Variants in DLG2 observed in about 807,000 individuals in gnomAD.
DLG2 encodes disks large homolog 2.
In DLG2, 45 loss-of-function variants were observed where a neutral mutation model predicts 132.5. That is an observed-to-expected ratio of 0.34 (90% CI 0.27 to 0.44). The LOEUF (loss-of-function observed/expected upper bound fraction) is 0.44, where lower values mean the gene tolerates loss of function less well. DLG2 is among the 20% of genes least tolerant of loss of function. The pLI is 1.00. For synonymous variants in DLG2, 424 were observed against 419.6 expected, an observed-to-expected ratio of 1.01 and a Z score of -0.13; for missense variants, 1,045 against 1,196.9, an observed-to-expected ratio of 0.87 and a Z score of 1.87.
chr11:84,904,325 A>G (rs1427313973), intron 6 of DLG2, among the ~76,000 whole-genome samples: 2 of 152,170 alleles, frequency 1.3e-5, no homozygotes, highest in Non-Finnish European at 2.9e-5. Flanking sequence ...TTGCAATTAT[A>G]TCCCTTTGTT....
At chr11:84,386,621 T>C (rs942910872) in intron 7 of DLG2, among the ~76,000 whole-genome samples, 2 of 152,170 alleles carry the variant, frequency 1.3e-5, no homozygotes, top group Admixed American at 6.6e-5. Flanking sequence ...AATCAATAAA[T>C]GGCCATCATA....
chr11:84,633,701 C>CA (rs2099635985), intron 6 of DLG2, among the ~76,000 whole-genome samples: 1 of 151,854 alleles, frequency 6.6e-6, no homozygotes, highest in Non-Finnish European at 1.5e-5. Flanking sequence ...GGTAGTTGCT[C>CA]AATACACTGT....
intron 6 of DLG2, among the ~76,000 whole-genome samples, chr11:84,803,198 A>T (rs1240852956): frequency 6.6e-6 from 1 of 152,234 alleles, no homozygotes; most frequent in Non-Finnish European, 1.5e-5. Flanking sequence ...GCAGTGTAGA[A>T]TATATTGTAG....
chr11:84,398,811 G>T (rs1214778435), intron 7 of DLG2, among the ~76,000 whole-genome samples: 1 of 152,164 alleles, frequency 6.6e-6, no homozygotes, highest in Non-Finnish European at 1.5e-5. Context: ...ATCAGTTGCA[G>T]TATTCTGGCT....
At chr11:83,992,878 G>A (rs1442137600) in intron 11 of DLG2, among the ~76,000 whole-genome samples, 2 of 152,072 alleles carry the variant, frequency 1.3e-5, no homozygotes, top group African/African-American at 4.8e-5. Context: ...AAGAATGAGG[G>A]AAGTAGTGAG....
intron 6 of DLG2, among the ~76,000 whole-genome samples, chr11:85,030,995 G>C (rs2060953947): frequency 6.6e-6 from 1 of 151,796 alleles, no homozygotes; most frequent in African/African-American, 2.4e-5. Flanking sequence ...ACATGTGCAG[G>C]TTTGTTACAT....
chr11:83,976,434 G>T (rs2092227750), intron 12 of DLG2, among the ~76,000 whole-genome samples: 1 of 151,856 alleles, frequency 6.6e-6, no homozygotes, highest in South Asian at 2.1e-4. Flanking sequence ...TAAATCATTT[G>T]TCCTTCCTTT....
At chr11:83,630,104 A>G (rs1483095072) in intron 19 of DLG2, among the ~76,000 whole-genome samples, 1 of 152,208 alleles carries the variant, frequency 6.6e-6, no homozygotes, top group East Asian at 1.9e-4. Flanking sequence ...ATTAAAGGAA[A>G]AAAAGTATAA....
intron 19 of DLG2, among the ~76,000 whole-genome samples, chr11:83,587,947 G>C (rs953925511): frequency 1.3e-5 from 2 of 152,154 alleles, no homozygotes; most frequent in Non-Finnish European, 1.5e-5. Flanking sequence ...CTTAAAAAAT[G>C]GCGCACCACG....
chr11:85,604,096 A>G (rs187392595), intron 2 of DLG2, among the ~76,000 whole-genome samples: 193 of 152,350 alleles, frequency 1.3e-3, no homozygotes, highest in African/African-American at 4.5e-3. Flanking sequence ...AAAATACTGT[A>G]TTGATTCAAA....
chr11:84,714,845 A>C (rs2061027443), intron 6 of DLG2, among the ~76,000 whole-genome samples: 1 of 151,830 alleles, frequency 6.6e-6, no homozygotes, highest in Non-Finnish European at 1.5e-5. Flanking sequence ...AATAAAACCA[A>C]ATTATTTTAC....
chr11:84,026,630 A>G (rs1417326129), intron 11 of DLG2, among the ~76,000 whole-genome samples: 4 of 152,124 alleles, frequency 2.6e-5, no homozygotes, highest in Admixed American at 6.6e-5. Context: ...CTATAGATAT[A>G]GTGCCTAACT....
In DLG2 at chr11:83,957,905, C is replaced by A. The variant is rs566107608; in HGVS notation, c.1340+4980G>T. 1.8e-4 allele frequency among the ~76,000 whole-genome samples: 28 copies of A among 152,296 alleles called. No individual in the cohort carries two copies. The South Asian group carries it at 4.4e-3, about 24-fold the overall frequency. ...TCCATATGCTATCTCCTGAGAGAGG[C>A]ACTGCCTGGTTATCCTACTTCATAT... On this transcript the variant is annotated intron_variant, in intron 14 of 27. Coordinates refer to ENST00000376104, the MANE Select transcript of DLG2 (RefSeq NM_001142699.3).
At position 83,914,688 on chromosome 11, in the gene DLG2, G is replaced by A. The variant is rs529593023; in HGVS notation, c.1496+15640C>T. ...CGGCTAGTGAGTAGAGCCAGGATCC[G>A]AACTCAAGCACATGCCCTTAAATGC... On this transcript the variant is annotated intron_variant, in intron 15 of 27. Coordinates refer to ENST00000376104, the MANE Select transcript of DLG2 (RefSeq NM_001142699.3). Among the ~76,000 whole-genome samples, 8 of 152,282 alleles carry A rather than the reference G, an allele frequency of 5.3e-5. No individual in the cohort carries two copies. In the East Asian group the frequency reaches 7.7e-4, roughly 15 times the overall value.
At chr11:84,436,567 A>G (rs1354337661) in intron 7 of DLG2, among the ~76,000 whole-genome samples, 1 of 152,200 alleles carries the variant, frequency 6.6e-6, no homozygotes, top group Non-Finnish European at 1.5e-5. Flanking sequence ...CCCAATGCCT[A>G]CCGCATTGGA....
intron 7 of DLG2, among the ~76,000 whole-genome samples, chr11:84,495,863 G>A (rs561182600): frequency 1.4e-4 from 22 of 152,232 alleles, no homozygotes; most frequent in East Asian, 3.9e-4. Context: ...AATGAAGGGC[G>A]GTAAACGGGC....
intron 4 of DLG2, among the ~76,000 whole-genome samples, chr11:85,239,755 C>T (rs1292631069): frequency 6.6e-6 from 1 of 151,886 alleles, no homozygotes; most frequent in Non-Finnish European, 1.5e-5. Context: ...AATTTGAATA[C>T]TATGTAATTT....
At chr11:85,259,996 AC>A (rs1260795320) in intron 4 of DLG2, among the ~76,000 whole-genome samples, 1 of 152,138 alleles carries the variant, frequency 6.6e-6, no homozygotes, top group African/African-American at 2.4e-5. Flanking sequence ...GGGCTAAGGT[AC>A]CCAGGGCAGA....
At chr11:84,633,807 A>T (rs944911377) in intron 6 of DLG2, among the ~76,000 whole-genome samples, 10 of 152,084 alleles carry the variant, frequency 6.6e-5, no homozygotes, top group Non-Finnish European at 1.5e-4. Context: ...TGAACCAATC[A>T]CACACACTGG....
Sources: allele counts gnomAD v4.1 joint callset (sites outside exome capture counted in the v4.1 genomes callset), GRCh38; gene constraint gnomAD v4.1.1; transcripts MANE v1.5; gene names NCBI Gene and HGNC (gene_info 2026-07-23, HGNC 2026-07-21).